The following FOXL2 variants were observed in gnomAD, a reference collection of about 807,000 sequenced individuals.
FOXL2 encodes the protein forkhead box L2.
In FOXL2, 3 loss-of-function variants were observed where a neutral mutation model predicts 2.5. That is an observed-to-expected ratio of 1.20 (90% CI 0.55 to 3.11). The LOEUF (loss-of-function observed/expected upper bound fraction) is 3.11, where lower values mean the gene tolerates loss of function less well. Ranked by LOEUF, FOXL2 falls within the 30% of genes most tolerant of loss-of-function variation. The probability of loss-of-function intolerance (pLI) is 0.03; values close to 1 mark genes in which losing one functional copy is unlikely to be tolerated. For synonymous variants in FOXL2, 315 were observed against 269.4 expected (o/e 1.17, Z -1.66); for missense variants, 512 against 570.0 (o/e 0.90, Z 1.04).
rs2107745081 is a variant in FOXL2 at position 138,946,660 on chromosome 3, A to G, written c.63T>C (p.Gly21=). Residue 21 remains glycine, a synonymous_variant, in exon 1 of 1, where the codon GGT becomes GGC. Coordinates refer to ENST00000648323, the MANE Select transcript of FOXL2 (RefSeq NM_023067.4). ...AAGALLAPET[G]RTVKEPEGPP... ...GCCCTTCTGGCTCCTTGACTGTGCG[A>G]CCGGTCTCTGGGGCCAGCAGGGCCC... 6.3e-7 allele frequency: 1 copy of G among 1,581,906 alleles called. No individual in the cohort carries two copies. The highest frequency in any genetic ancestry group is 8.6e-7 in the Non-Finnish European group (1 of 1,167,574).
At position 138,945,629 on chromosome 3, in the gene FOXL2, C is replaced by T. The variant is rs1157290194; in HGVS notation, c.1094G>A (p.Ser365Asn). Residue 365 changes from serine to asparagine, a missense_variant, in exon 1 of 1, where the codon AGC becomes AAC. By Grantham distance (46) the Ser-to-Asn change is conservative. Coordinates refer to ENST00000648323, the MANE Select transcript of FOXL2 (RefSeq NM_023067.4). Reference protein sequence around the residue: ...MMHCSYWDHDSKTGALHSRLD... With the variant: ...MMHCSYWDHDNKTGALHSRLD... Reference sequence around the variant, plus strand: ...GCGCGAATGCAGCGCGCCGGTCTTGCTGTCGTGGTCCCAGTAAGAGCAATG... The same window carrying T: ...GCGCGAATGCAGCGCGCCGGTCTTGTTGTCGTGGTCCCAGTAAGAGCAATG... 6.2e-7 allele frequency: 1 copy of T among 1,610,798 alleles called. No individual in the cohort carries two copies. The highest frequency in any genetic ancestry group is 8.5e-7 in the Non-Finnish European group (1 of 1,178,612).
rs1228381934 is a variant in FOXL2, at chr3:138,946,292, C to G, written c.431G>C (p.Arg144Pro). ...GGGCCTCTTCATGCGGCGGCGGCGCCGGTAGTTGCCCTTCTCGAACATGTC... is the reference window on the plus strand; with the variant it reads ...GGGCCTCTTCATGCGGCGGCGGCGCGGGTAGTTGCCCTTCTCGAACATGTC... ...CEDMFEKGNY[R>P]RRRRMKRPFR... is the part of the protein sequence containing the mutation. The change falls in exon 1 of 1, where the codon CGG becomes CCG. Residue 144 changes from arginine to proline, a missense_variant. Coordinates refer to ENST00000648323, the MANE Select transcript of FOXL2 (RefSeq NM_023067.4). The G allele has an allele frequency of 1.2e-6, 2 of 1,611,588 alleles. No homozygotes were observed. The highest frequency in any genetic ancestry group is 1.7e-6 in the Non-Finnish European group (2 of 1,179,254).
rs2107743794 is a variant in FOXL2 at position 138,946,066 on chromosome 3, C to T, written c.657G>A (p.Gln219=). ...PPSPMPYASC[Q]MAAAAAAAAA... ...CTGCAGCCGCTGCGGCTGCCGCCAT[C>T]TGGCAGGAGGCATAGGGCATGGGTG... Residue 219 remains glutamine (Q), a synonymous_variant, in exon 1 of 1, where the codon CAG becomes CAA. Transcript: ENST00000648323. 7.1e-7 allele frequency: 1 copy of T among 1,408,236 alleles called. No individual in the cohort carries two copies. The highest frequency in any genetic ancestry group is 9.2e-7 in the Non-Finnish European group (1 of 1,092,438). 87.2% of individuals were successfully genotyped at this position (1,408,236 alleles called of 1,614,324 possible). A position where few individuals can be genotyped will look rare whatever the true frequency, so the allele number is the denominator to read the frequency against.
chr3:138,945,257 G>GTGGTC lies in FOXL2; in HGVS notation c.*334_*335insGACCA. On this transcript the variant is annotated 3_prime_UTR_variant, in exon 1 of 1. Coordinates refer to ENST00000648323, the MANE Select transcript of FOXL2 (RefSeq NM_023067.4). ...GACGCCCGGTCGCACCTCCGCCCCG[G>GTGGTC]GCCCTTTCCGCGGTGAATTTGGGCA... 38 of 258,540 alleles carry GTGGTC rather than the reference G, an allele frequency of 1.5e-4. No homozygotes were observed. Among genetic ancestry groups the GTGGTC allele is most frequent in the South Asian group, 1.1e-3 (8 of 7,378 alleles). 16.0% of individuals were successfully genotyped at this position (258,540 alleles called of 1,614,324 possible). A position where few individuals can be genotyped will look rare whatever the true frequency, so the allele number is the denominator to read the frequency against.
chr3:138,945,248 TC>T lies in FOXL2; in HGVS notation c.*343del. 1 of 251,144 alleles carries T rather than the reference TC, an allele frequency of 4.0e-6. No homozygotes were observed. The highest frequency in any genetic ancestry group is 1.5e-4 in the South Asian group (1 of 6,690). The allele number at this position is 251,144 out of a possible 1,614,324, so 15.6% of individuals were successfully genotyped here. ...TGCGCTGCCGACGCCCGGTCGCACC[TC>T]CGCCCCGGGCCCTTTCCGCGGTGAA... On this transcript the variant is annotated 3_prime_UTR_variant, in exon 1 of 1. Transcript: ENST00000648323.
rs1935909590 is a variant in FOXL2, at chr3:138,944,540, G to C, written c.*1052C>G. ...CAGGCAGTGATCTCCCTGCCTCCAG[G>C]ACTTGCATCGAAAGATCCGGGGACA... On this transcript the variant is annotated 3_prime_UTR_variant, in exon 1 of 1. Coordinates refer to ENST00000648323, the MANE Select transcript of FOXL2 (RefSeq NM_023067.4). 1 of 233,084 alleles carries C rather than the reference G, an allele frequency of 4.3e-6. No individual in the cohort carries two copies. Among genetic ancestry groups the C allele is most frequent in the Non-Finnish European group, 8.5e-6 (1 of 117,846 alleles). The allele number at this position is 233,084 out of a possible 1,614,324, so 14.4% of individuals were successfully genotyped here.
chr3:138,945,848 G>T lies in FOXL2; in HGVS notation c.875C>A (p.Pro292Gln), dbSNP rs1382669559. 8.1e-7 allele frequency: 1 copy of T among 1,233,396 alleles called. No individual in the cohort carries two copies. The highest frequency in any genetic ancestry group is 1.0e-6 in the Non-Finnish European group (1 of 990,204). 76.4% of individuals were successfully genotyped at this position (1,233,396 alleles called of 1,614,324 possible). ...AAPPPPPHPH[P>Q]HPHAHHLHAA... ...GTGCAGATGGTGTGCGTGCGGATGCGGGTGGGGGTGCGGCGGAGGCGGGGG... is the reference window on the plus strand; with the variant it reads ...GTGCAGATGGTGTGCGTGCGGATGCTGGTGGGGGTGCGGCGGAGGCGGGGG... Residue 292 changes from proline (P) to glutamine (Q), a missense_variant, in exon 1 of 1, where the codon CCG (proline) becomes CAG (glutamine). Transcript: ENST00000648323.
rs1040847265 is a variant in FOXL2 at position 138,944,554 on chromosome 3, G to T, written c.*1038C>A. ...CCTGCCTCCAGGACTTGCATCGAAAGATCCGGGGACATTTGTTTTTGATTT... is the reference window on the plus strand; with the variant it reads ...CCTGCCTCCAGGACTTGCATCGAAATATCCGGGGACATTTGTTTTTGATTT... On this transcript the variant is annotated 3_prime_UTR_variant, in exon 1 of 1. Coordinates refer to ENST00000648323, the MANE Select transcript of FOXL2 (RefSeq NM_023067.4). 4.3e-6 allele frequency: 1 copy of T among 233,102 alleles called. No individual in the cohort carries two copies. The highest frequency in any genetic ancestry group is 2.2e-5 in the African/African-American group (1 of 45,326). The allele number at this position is 233,102 out of a possible 1,614,324, so 14.4% of individuals were successfully genotyped here.
chr3:138,945,922 G>A lies in FOXL2; in HGVS notation c.801C>T (p.Pro267=). 1 of 1,346,014 alleles carries A rather than the reference G, an allele frequency of 7.4e-7. No individual in the cohort carries two copies. The highest frequency in any genetic ancestry group is 9.5e-7 in the Non-Finnish European group (1 of 1,057,948). The allele number at this position is 1,346,014 out of a possible 1,614,324, so 83.4% of individuals were successfully genotyped here. Residue 267 remains proline, a synonymous_variant, in exon 1 of 1, where the codon CCC becomes CCT. Transcript: ENST00000648323. ...PYTRVQSMAL[P]PGVVNSYNGL... ...CATTGTACGAGTTCACTACGCCGGG[G>A]GGCAGCGCCATGCTCTGCACGCGTG... is the stretch of plus-strand genomic sequence containing the variant.
Position 138,945,968 on chromosome 3 carries a change from G to T in FOXL2, c.755C>A (p.Ala252Asp). The change falls in exon 1 of 1, where the codon GCC (alanine) becomes GAC (aspartate). Residue 252 changes from alanine (A) to aspartate (D), a missense_variant. Coordinates refer to ENST00000648323, the MANE Select transcript of FOXL2 (RefSeq NM_023067.4). Reference sequence around the variant, plus strand: ...GCGTGTGTACGGCCCGTACGAGGCGGCCGGGCCCGCCAGCCCCTTGACCAC... The same window carrying T: ...GCGTGTGTACGGCCCGTACGAGGCGTCCGGGCCCGCCAGCCCCTTGACCAC... The part of the protein sequence containing the change: ...AAVVKGLAGP[A>D]ASYGPYTRVQ... 2 of 1,398,766 alleles carry T rather than the reference G, an allele frequency of 1.4e-6. No homozygotes were observed. Among genetic ancestry groups the T allele is most frequent in the Non-Finnish European group, 1.8e-6 (2 of 1,088,850 alleles). 86.6% of individuals were successfully genotyped at this position (1,398,766 alleles called of 1,614,324 possible). A position where few individuals can be genotyped will look rare whatever the true frequency, so the allele number is the denominator to read the frequency against.
Position 138,945,235 on chromosome 3 carries a change from G to GAAAGGTGAAGTGTAGAT in FOXL2, c.*356_*357insATCTACACTTCACCTTT. The GAAAGGTGAAGTGTAGAT allele has an allele frequency of 3.9e-6, 1 of 253,836 alleles. No individual in the cohort carries two copies. The highest frequency in any genetic ancestry group is 7.7e-6 in the Non-Finnish European group (1 of 129,484). The allele number at this position is 253,836 out of a possible 1,614,324, so 15.7% of individuals were successfully genotyped here. ...AGGCCAAGAGGTCTGCGCTGCCGACGCCCGGTCGCACCTCCGCCCCGGGCC... is the reference window on the plus strand; with the variant it reads ...AGGCCAAGAGGTCTGCGCTGCCGACGAAAGGTGAAGTGTAGATCCCGGTCGCACCTCCGCCCCGGGCC... On this transcript the variant is annotated 3_prime_UTR_variant, in exon 1 of 1. Transcript: ENST00000648323.
Position 138,947,014 on chromosome 3 carries a change from TG to T in FOXL2, c.-293del. 1.9e-6 allele frequency: 1 copy of T among 534,696 alleles called. No homozygotes were observed. Among genetic ancestry groups the T allele is most frequent in the Non-Finnish European group, 3.3e-6 (1 of 302,266 alleles). 33.1% of individuals were successfully genotyped at this position (534,696 alleles called of 1,614,324 possible). On this transcript the variant is annotated 5_prime_UTR_variant, in exon 1 of 1. Transcript: ENST00000648323. The surrounding 1 kb of genome is among the most constrained non-coding windows in gnomAD (Gnocchi z 5.2). Reference sequence around the variant, plus strand: ...TCCCCGCTCAGGCCAGTCCCCGCCTTGGTGGGTTTTCTTTTCTGCGCTCTTC... The same window carrying T: ...TCCCCGCTCAGGCCAGTCCCCGCCTTGTGGGTTTTCTTTTCTGCGCTCTTC...
At position 138,945,371 on chromosome 3, in the gene FOXL2, G is replaced by A. The variant is rs567245375; in HGVS notation, c.*221C>T. The A allele has an allele frequency of 6.0e-5, 40 of 668,036 alleles. No homozygotes were observed. The African/African-American group carries it at 6.2e-4, about 10-fold the overall frequency. 41.4% of individuals were successfully genotyped at this position (668,036 alleles called of 1,614,324 possible). A position where few individuals can be genotyped will look rare whatever the true frequency, so the allele number is the denominator to read the frequency against. On this transcript the variant is annotated 3_prime_UTR_variant, in exon 1 of 1. Coordinates refer to ENST00000648323, the MANE Select transcript of FOXL2 (RefSeq NM_023067.4). Reference sequence around the variant, plus strand: ...GCCAGGGGAGTGCAAGGTCACAGAGGTCAGGGAGGTGAGCACAGGAGGACA... The same window carrying A: ...GCCAGGGGAGTGCAAGGTCACAGAGATCAGGGAGGTGAGCACAGGAGGACA...
At position 138,944,613 on chromosome 3, in the gene FOXL2, CA is replaced by C. The variant is rs761518975; in HGVS notation, c.*978del. ...AGATAGGGAGAGGGTGAAACTTCCC[CA>C]ATTGGTAGACGAAACCATCTTTTAT... is the stretch of plus-strand genomic sequence containing the variant. On this transcript the variant is annotated 3_prime_UTR_variant, in exon 1 of 1. Coordinates refer to ENST00000648323, the MANE Select transcript of FOXL2 (RefSeq NM_023067.4). 2 of 233,020 alleles carry C rather than the reference CA, an allele frequency of 8.6e-6. No individual in the cohort carries two copies. The highest frequency in any genetic ancestry group is 8.5e-6 in the Non-Finnish European group (1 of 117,952). 14.4% of individuals were successfully genotyped at this position (233,020 alleles called of 1,614,324 possible).
Position 138,946,628 on chromosome 3 carries a change from G to T in FOXL2, c.95C>A (p.Pro32Gln). Residue 32 changes from proline (P) to glutamine (Q), a missense_variant, in exon 1 of 1, where the codon CCG (proline) becomes CAG (glutamine). This residue lies in a region of FOXL2 where 92 missense variants were observed against 77.8 expected (regional missense o/e 1.18). Coordinates refer to ENST00000648323, the MANE Select transcript of FOXL2 (RefSeq NM_023067.4). ...ACCCCCACCGCCCTTGCCTGGGCTC[G>T]GCGGCGGCCCTTCTGGCTCCTTGAC... ...RTVKEPEGPP[P>Q]SPGKGGGGGG... 6.3e-7 allele frequency: 1 copy of T among 1,597,824 alleles called. No homozygotes were observed. Among genetic ancestry groups the T allele is most frequent in the Non-Finnish European group, 8.5e-7 (1 of 1,175,512 alleles).
Position 138,945,454 on chromosome 3 carries a change from G to C in FOXL2, c.*138C>G. ...CTTAGGAAAGCGAAAAAGCACAGAG[G>C]GACCCTGGGCGCTGGCTCCAGAGGC... On this transcript the variant is annotated 3_prime_UTR_variant, in exon 1 of 1. Coordinates refer to ENST00000648323, the MANE Select transcript of FOXL2 (RefSeq NM_023067.4). 1 of 1,431,462 alleles carries C rather than the reference G, an allele frequency of 7.0e-7. No individual in the cohort carries two copies. The highest frequency in any genetic ancestry group is 9.3e-7 in the Non-Finnish European group (1 of 1,069,548). The allele number at this position is 1,431,462 out of a possible 1,614,324, so 88.7% of individuals were successfully genotyped here. A position where few individuals can be genotyped will look rare whatever the true frequency, so the allele number is the denominator to read the frequency against.
At position 138,945,476 on chromosome 3, in the gene FOXL2, A is replaced by G; in HGVS notation, c.*116T>C. The G allele has an allele frequency of 6.8e-7, 1 of 1,473,378 alleles. No individual in the cohort carries two copies. The highest frequency in any genetic ancestry group is 1.2e-5 in the South Asian group (1 of 81,748). 91.3% of individuals were successfully genotyped at this position (1,473,378 alleles called of 1,614,324 possible). A position where few individuals can be genotyped will look rare whatever the true frequency, so the allele number is the denominator to read the frequency against. ...GAGGGACCCTGGGCGCTGGCTCCAG[A>G]GGCGGGCCCAGAGGGTGTGAGGTCA... On this transcript the variant is annotated 3_prime_UTR_variant, in exon 1 of 1. Transcript: ENST00000648323.
Position 138,944,973 on chromosome 3 carries a change from G to T in FOXL2, c.*619C>A, listed in dbSNP as rs180829214. 853 of 232,940 alleles carry T rather than the reference G, an allele frequency of 3.7e-3. 1 individual carries two copies. The highest frequency in any genetic ancestry group is 6.9e-3 in the South Asian group (38 of 5,530). The allele number at this position is 232,940 out of a possible 1,614,324, so 14.4% of individuals were successfully genotyped here. A position where few individuals can be genotyped will look rare whatever the true frequency, so the allele number is the denominator to read the frequency against. On this transcript the variant is annotated 3_prime_UTR_variant, in exon 1 of 1. Transcript: ENST00000648323. The stretch of plus-strand genomic sequence containing the variant: ...CCGCGGTGTAAACCGAGTACAGGCC[G>T]TGGAGCCAGGCTGCCCCGGCTCCCG...
chr3:138,946,786 A>G lies in FOXL2; in HGVS notation c.-64T>C. ...TCCGCTCCAGGCGCTGGCGCGGCAA[A>G]GAGTTGGGGCGCACGAGTCCGCTTA... On this transcript the variant is annotated 5_prime_UTR_variant, in exon 1 of 1. Coordinates refer to ENST00000648323, the MANE Select transcript of FOXL2 (RefSeq NM_023067.4). 6.5e-7 allele frequency: 1 copy of G among 1,533,624 alleles called. No individual in the cohort carries two copies. Among genetic ancestry groups the G allele is most frequent in the Non-Finnish European group, 8.8e-7 (1 of 1,141,330 alleles).
Sources: gnomAD v4.1 joint callset for allele counts on GRCh38, gnomAD v4.1.1 for gene constraint, gnomAD v4.1.1 regional missense constraint, Gnocchi (gnomAD v3.1) non-coding constraint, MANE v1.5 for transcripts, NCBI Gene and HGNC (gene_info 2026-07-23, HGNC 2026-07-21) for gene names.